Variants in ARHGEF3 observed in about 807,000 individuals in gnomAD.
The protein encoded by ARHGEF3 is 59.8 kDA protein.
Under a neutral mutation model 63.2 loss-of-function variants are expected in ARHGEF3, and 28 were observed. The ratio of observed to expected loss-of-function variants is 0.44; its 90% confidence interval spans 0.33 to 0.61. The LOEUF (loss-of-function observed/expected upper bound fraction) is 0.61, where lower values mean the gene tolerates loss of function less well. Among genes scored for constraint, ARHGEF3 ranks in the 20% least tolerant of loss-of-function variants. The pLI is 0.03. For missense variants in ARHGEF3, 533 were observed against 659.3 expected (o/e 0.81, Z 2.10); for synonymous variants, 266 against 254.2 (o/e 1.05, Z -0.44).
intron 3 of ARHGEF3, among the ~76,000 whole-genome samples, chr3:56,883,291 A>G (rs1380440147): frequency 6.6e-6 from 1 of 151,920 alleles, no homozygotes; most frequent in Non-Finnish European, 1.5e-5. Flanking sequence ...GATGTGAAAA[A>G]GTATGTTTTT....
At chr3:56,785,266 G>C (rs1238777231) in intron 1 of ARHGEF3, among the ~76,000 whole-genome samples, 2 of 152,066 alleles carry the variant, frequency 1.3e-5, no homozygotes, top group African/African-American at 4.8e-5. Context: ...GGCTGGATAC[G>C]GCAAAACTAG....
intron 4 of ARHGEF3, among the ~76,000 whole-genome samples, chr3:56,852,234 T>A (rs985499802): frequency 1.3e-5 from 2 of 152,220 alleles, no homozygotes; most frequent in Admixed American, 1.3e-4. Context: ...ATCTTCCTCC[T>A]GAGCACCCTC....
chr3:56,994,960 A>T (rs1701913933), intron 2 of ARHGEF3, among the ~76,000 whole-genome samples: 1 of 150,872 alleles, frequency 6.6e-6, no homozygotes, highest in South Asian at 2.1e-4. Flanking sequence ...GTCCCCCCTC[A>T]CTCTCATTCT....
At chr3:56,854,012 G>A (rs535100106) in intron 4 of ARHGEF3, among the ~76,000 whole-genome samples, 2 of 152,176 alleles carry the variant, frequency 1.3e-5, no homozygotes, top group South Asian at 2.1e-4. Context: ...TGGCTAACAC[G>A]GTGAAACCCC....
At chr3:56,767,236 C>A (rs2035751704) in intron 2 of ARHGEF3, among the ~76,000 whole-genome samples, 1 of 151,518 alleles carries the variant, frequency 6.6e-6, no homozygotes, top group African/African-American at 2.4e-5. Flanking sequence ...ACCGTTAAGA[C>A]CAAAGGGAGT....
chr3:56,920,835 G>GA (rs1162909201), intron 3 of ARHGEF3, among the ~76,000 whole-genome samples: 1 of 152,020 alleles, frequency 6.6e-6, no homozygotes, highest in Non-Finnish European at 1.5e-5. Context: ...GGCAGATCAC[G>GA]AGGTCAGGAG....
At chr3:57,043,472 C>T (rs1369911422) in intron 1 of ARHGEF3, among the ~76,000 whole-genome samples, 1 of 132,948 alleles carries the variant, frequency 7.5e-6, no homozygotes, top group Non-Finnish European at 1.6e-5. Context: ...GTTAGTATTA[C>T]TAAAATTGTT....
At chr3:57,006,452 C>T (rs931835892) in intron 2 of ARHGEF3, among the ~76,000 whole-genome samples, 4 of 152,162 alleles carry the variant, frequency 2.6e-5, no homozygotes, top group African/African-American at 4.8e-5. Flanking sequence ...CGGAGCTCCC[C>T]GCTCCGATCT....
intron 4 of ARHGEF3, among the ~76,000 whole-genome samples, chr3:56,878,899 ATT>A (rs1246597081): frequency 6.6e-6 from 1 of 152,206 alleles, no homozygotes; most frequent in Non-Finnish European, 1.5e-5. Flanking sequence ...CATCTTTCTC[ATT>A]ACCGCCTGAG....
chr3:56,741,523 T>TG (rs397989720), intron 7 of ARHGEF3, among the ~76,000 whole-genome samples: 1 of 138,462 alleles, frequency 7.2e-6, no homozygotes, highest in African/African-American at 2.8e-5. Flanking sequence ...TTTTTTTTTT[T>TG]GAGATGGAGT....
chr3:56,882,346 C>G (rs1204196137), exon 4 of ARHGEF3: 5 of 1,551,614 alleles, frequency 3.2e-6, no homozygotes, highest in Non-Finnish European at 8.7e-7. Context: ...TGCTCTGTTT[C>G]CGTTTTCGCT....
At chr3:56,895,415 C>T (rs1325828280) in intron 3 of ARHGEF3, among the ~76,000 whole-genome samples, 1 of 152,044 alleles carries the variant, frequency 6.6e-6, no homozygotes, top group East Asian at 1.9e-4. Flanking sequence ...TGCGGACATA[C>T]AGAAAGAGGC....
intron 2 of ARHGEF3, among the ~76,000 whole-genome samples, chr3:57,012,734 G>C (rs1560131924): frequency 6.6e-6 from 1 of 152,354 alleles, no homozygotes; most frequent in East Asian, 1.9e-4. Context: ...TGTGCTGGCA[G>C]CCGTTGCTCG....
At chr3:56,952,428 G>C (rs74452101) in intron 3 of ARHGEF3, among the ~76,000 whole-genome samples, 17,575 of 152,174 alleles carry the variant, frequency 0.12, 1,280 homozygotes, top group East Asian at 0.25. Context: ...TTCAGTCTCA[G>C]GAGATCTTGG....
intron 3 of ARHGEF3, among the ~76,000 whole-genome samples, chr3:56,912,022 A>G (rs1288914130): frequency 6.6e-6 from 1 of 151,970 alleles, no homozygotes; most frequent in Non-Finnish European, 1.5e-5. Flanking sequence ...AGCAGAATAA[A>G]GTAGCTAGTC....
Position 57,068,829 on chromosome 3 carries a change from A to AC in ARHGEF3, c.-28+10396dup, listed in dbSNP as rs1370313227. On this transcript the variant is annotated intron_variant, in intron 1 of 12. Transcript: ENST00000338458. ...TTTCCATGTGCACACACACGCACAC[A>AC]CCCCCCTCACTAAAGGATGGAAACA... is the stretch of plus-strand genomic sequence containing the variant. 4.7e-5 allele frequency among the ~76,000 whole-genome samples: 7 copies of AC among 150,514 alleles called. No homozygotes were observed. The East Asian group carries it at 1.4e-3, about 29-fold the overall frequency.
At chr3:56,994,527 C>T (rs1249211373) in intron 2 of ARHGEF3, among the ~76,000 whole-genome samples, 1 of 151,940 alleles carries the variant, frequency 6.6e-6, no homozygotes, top group Non-Finnish European at 1.5e-5. Flanking sequence ...TTTCAACAGC[C>T]CTCTTGGAAA....
chr3:57,027,871 A>T (rs1455335227), intron 2 of ARHGEF3, among the ~76,000 whole-genome samples: 1 of 152,114 alleles, frequency 6.6e-6, no homozygotes, highest in Non-Finnish European at 1.5e-5. Flanking sequence ...AAAAAAAATC[A>T]AAGGTACAGG....
intron 2 of ARHGEF3, among the ~76,000 whole-genome samples, chr3:56,986,410 G>A (rs1024341945): frequency 6.6e-6 from 1 of 152,220 alleles, no homozygotes; most frequent in Admixed American, 6.5e-5. Flanking sequence ...TGGGGCCCCT[G>A]GGAGCTGTAG....
Sources: allele counts gnomAD v4.1 joint callset (sites outside exome capture counted in the v4.1 genomes callset), GRCh38; gene constraint gnomAD v4.1.1; transcripts MANE v1.5; gene names NCBI Gene and HGNC (gene_info 2026-07-23, HGNC 2026-07-21).